The following MKLN1 variants were observed in gnomAD, a reference collection of about 807,000 sequenced individuals.
MKLN1 encodes the protein muskelin.
MKLN1 carries 18 observed loss-of-function variants against 99.0 expected under a neutral mutation model. The observed-to-expected ratio is 0.18, with a 90% CI of 0.13 to 0.27. MKLN1 has a LOEUF of 0.27. Ranked by LOEUF, MKLN1 falls within the 10% of genes least tolerant of loss-of-function variation. The probability of loss-of-function intolerance (pLI) is 1.00; values close to 1 mark genes in which losing one functional copy is unlikely to be tolerated. For missense variants in MKLN1, 621 were observed against 875.9 expected (o/e 0.71, Z 3.67); for synonymous variants, 288 against 293.2 (o/e 0.98, Z 0.18).
At chr7:131,373,210 T>TA (rs1230171802) in intron 1 of MKLN1, among the ~76,000 whole-genome samples, 1 of 152,106 alleles carries the variant, frequency 6.6e-6, no homozygotes, top group African/African-American at 2.4e-5. Flanking sequence ...GTTATAATTG[T>TA]AAAATGTAGT....
chr7:131,325,650 T>C (rs531882894), upstream of MKLN1, among the ~76,000 whole-genome samples: 1 of 152,084 alleles, frequency 6.6e-6, no homozygotes, highest in East Asian at 1.9e-4. Context: ...TGAGTCATGT[T>C]CATGTGACTG....
Position 131,493,526 on chromosome 7 carries a change from TTTGGGAAGTAGCATTTC to T in MKLN1, c.*5816_*5832del, listed in dbSNP as rs1278664447. ...GAATATTCAGTAATTCTGAATAGTCTTTGGGAAGTAGCATTTCTTGGGAAGTAGCATTTCCCTTCTTC... is the reference window on the plus strand; with the variant it reads ...GAATATTCAGTAATTCTGAATAGTCTTTGGGAAGTAGCATTTCCCTTCTTC... On this transcript the variant is annotated 3_prime_UTR_variant, in exon 18 of 18. Coordinates refer to ENST00000352689, the MANE Select transcript of MKLN1 (RefSeq NM_013255.5). 4.9e-4 allele frequency: 75 copies of T among 152,330 alleles called. No individual in the cohort carries two copies. Among genetic ancestry groups the T allele is most frequent in the African/African-American group, 1.7e-3 (69 of 41,586 alleles). 9.4% of individuals were successfully genotyped at this position (152,330 alleles called of 1,614,324 possible). A position where few individuals can be genotyped will look rare whatever the true frequency, so the allele number is the denominator to read the frequency against.
chr7:131,143,448 A>C (rs928967974), intron 2 of MKLN1, among the ~76,000 whole-genome samples: 1 of 152,158 alleles, frequency 6.6e-6, no homozygotes, highest in Non-Finnish European at 1.5e-5. Flanking sequence ...CCCAGGCGAC[A>C]GTGCGAGACT....
In MKLN1 at chr7:131,488,133, T is replaced by C. The variant is rs1319127042; in HGVS notation, c.*405T>C. Reference sequence around the variant, plus strand: ...CTACAAGTATTTTGAATGTTGTTGCTGTTGGTCATTTGGCCTGCCTTTTCC... The same window carrying C: ...CTACAAGTATTTTGAATGTTGTTGCCGTTGGTCATTTGGCCTGCCTTTTCC... On this transcript the variant is annotated 3_prime_UTR_variant, in exon 18 of 18. Transcript: ENST00000352689. 1 of 152,128 alleles carries C rather than the reference T, an allele frequency of 6.6e-6. No individual in the cohort carries two copies. 9.4% of individuals were successfully genotyped at this position (152,128 alleles called of 1,614,324 possible).
chr7:131,279,072 G>A (rs1798014270), intron 3 of MKLN1, among the ~76,000 whole-genome samples: 1 of 152,194 alleles, frequency 6.6e-6, no homozygotes, highest in South Asian at 2.1e-4. Context: ...ATATATTACT[G>A]AGTGTTTACT....
intron 2 of MKLN1, among the ~76,000 whole-genome samples, chr7:131,165,011 G>A (rs755559184): frequency 1.3e-5 from 2 of 152,060 alleles, no homozygotes; most frequent in Non-Finnish European, 2.9e-5. Flanking sequence ...AGTATAATGT[G>A]GTACAGAATG....
chr7:131,177,591 A>T (rs1330144874), intron 2 of MKLN1, among the ~76,000 whole-genome samples: 1 of 152,018 alleles, frequency 6.6e-6, no homozygotes, highest in African/African-American at 2.4e-5. Flanking sequence ...TGATGATATC[A>T]TTATAGTTGT....
At chr7:131,268,597 G>A (rs2116551970) in intron 3 of MKLN1, among the ~76,000 whole-genome samples, 1 of 152,260 alleles carries the variant, frequency 6.6e-6, no homozygotes, top group South Asian at 2.1e-4. Flanking sequence ...CCAGCCAGTG[G>A]AAAAGAGAGC....
chr7:131,464,454 T>C, intron 14 of MKLN1, 46 bp downstream of exon 14: 2 of 1,091,828 alleles, frequency 1.8e-6, no homozygotes, highest in Non-Finnish European at 2.8e-6. Flanking sequence ...GCCTACTATC[T>C]GAAACAATCC....
At chr7:131,199,021 G>A (rs73149853) in intron 2 of MKLN1, among the ~76,000 whole-genome samples, 17,372 of 151,826 alleles carry the variant, frequency 0.11, 1,330 homozygotes, top group South Asian at 0.29. Context: ...GAGAGGAGGG[G>A]AACTAATTAG....
intron 3 of MKLN1, among the ~76,000 whole-genome samples, chr7:131,315,722 TC>T: frequency 6.6e-6 from 1 of 152,264 alleles, no homozygotes; most frequent in South Asian, 2.1e-4. Flanking sequence ...GGGAGGGGCA[TC>T]TGCCATTACT....
At chr7:131,141,173 G>T (rs6978036) in intron 1 of MKLN1, among the ~76,000 whole-genome samples, 71,464 of 151,828 alleles carry the variant, frequency 0.47, 17,943 homozygotes, top group Non-Finnish European at 0.56. Context: ...CTCATTCATC[G>T]CTGTGAAGTC....
intron 1 of MKLN1, among the ~76,000 whole-genome samples, chr7:131,126,870 A>G (rs905537749): frequency 6.6e-6 from 1 of 152,180 alleles, no homozygotes; most frequent in Non-Finnish European, 1.5e-5. Context: ...TTGATCTTAG[A>G]ATAGAAGAAA....
At chr7:131,126,843 C>T (rs1056616390) in intron 1 of MKLN1, among the ~76,000 whole-genome samples, 4 of 152,160 alleles carry the variant, frequency 2.6e-5, no homozygotes, top group African/African-American at 9.6e-5. Flanking sequence ...CATGAGCCAT[C>T]GCATCCGGCC....
At chr7:131,419,538 G>A (rs867340661) in intron 8 of MKLN1, among the ~76,000 whole-genome samples, 6 of 152,020 alleles carry the variant, frequency 3.9e-5, no homozygotes, top group Admixed American at 6.6e-5. Flanking sequence ...CATCGTGCCT[G>A]GCCTCATTAC....
chr7:131,400,194 C>G (rs952117021), intron 6 of MKLN1, among the ~76,000 whole-genome samples: 1 of 151,610 alleles, frequency 6.6e-6, no homozygotes, highest in African/African-American at 2.4e-5. Context: ...CAGTGGTTTG[C>G]TCTCATTTTA....
At chr7:131,142,260 C>A (rs1795745310) in intron 1 of MKLN1, among the ~76,000 whole-genome samples, 1 of 151,988 alleles carries the variant, frequency 6.6e-6, no homozygotes, top group South Asian at 2.1e-4. Context: ...ACAAGAAACA[C>A]ATTAGCCAGA....
chr7:131,161,528 G>A (rs1796047780), intron 2 of MKLN1, among the ~76,000 whole-genome samples: 1 of 152,288 alleles, frequency 6.6e-6, no homozygotes, highest in African/African-American at 2.4e-5. Context: ...CTGCTGTTTA[G>A]CAAGTGATAC....
At chr7:131,197,200 T>TTTGA (rs781668644) in intron 2 of MKLN1, among the ~76,000 whole-genome samples, 3 of 151,896 alleles carry the variant, frequency 2.0e-5, no homozygotes, top group African/African-American at 7.3e-5. Context: ...GGCTTGATTG[T>TTTGA]TTGATTGATT....
Sources: allele counts gnomAD v4.1 joint callset (sites outside exome capture counted in the v4.1 genomes callset), GRCh38; gene constraint gnomAD v4.1.1; transcripts MANE v1.5; gene names NCBI Gene and HGNC (gene_info 2026-07-23, HGNC 2026-07-21).